Variants in QKI observed in about 807,000 individuals in gnomAD.
QKI encodes the protein QKI, KH domain containing RNA binding.
QKI carries 10 observed loss-of-function variants against 39.0 expected under a neutral mutation model. That is an observed-to-expected ratio of 0.26 (90% CI 0.16 to 0.43). The LOEUF (loss-of-function observed/expected upper bound fraction) is 0.43, where lower values mean the gene tolerates loss of function less well. Among genes scored for constraint, QKI ranks in the 20% least tolerant of loss-of-function variants. The probability of loss-of-function intolerance (pLI) is 1.00; values close to 1 mark genes in which losing one functional copy is unlikely to be tolerated. For synonymous variants in QKI, 204 were observed against 155.4 expected (o/e 1.31, Z -2.33); for missense variants, 218 against 428.0 (o/e 0.51, Z 4.33).
intron 3 of QKI, among the ~76,000 whole-genome samples, chr6:163,514,718 A>ATC (rs915650359): frequency 1.3e-5 from 2 of 152,196 alleles, no homozygotes; most frequent in Non-Finnish European, 2.9e-5. Flanking sequence ...AATAAATGAT[A>ATC]TTAGGATAGT....
intron 1 of QKI, among the ~76,000 whole-genome samples, chr6:163,417,881 C>T (rs1276069830): frequency 6.6e-6 from 1 of 152,182 alleles, no homozygotes; most frequent in Non-Finnish European, 1.5e-5. Context: ...GGAAAAAGGG[C>T]TATTCCTTAG....
At chr6:163,494,049 A>C (rs539410782) in intron 3 of QKI, among the ~76,000 whole-genome samples, 3 of 152,306 alleles carry the variant, frequency 2.0e-5, no homozygotes, top group African/African-American at 4.8e-5. Flanking sequence ...TATACCTTCA[A>C]CCTAAATTTG....
intron 2 of QKI, among the ~76,000 whole-genome samples, chr6:163,467,739 A>G (rs961468122): frequency 2.0e-5 from 3 of 152,208 alleles, no homozygotes; most frequent in Admixed American, 2.0e-4. Context: ...AAGGCATAAG[A>G]TGCTCGTTTT....
At chr6:163,522,075 A>C (rs1196129833) in intron 3 of QKI, among the ~76,000 whole-genome samples, 1 of 152,218 alleles carries the variant, frequency 6.6e-6, no homozygotes, top group Admixed American at 6.5e-5. Flanking sequence ...TGAACTAGTC[A>C]CTGTCTTCAA....
chr6:163,471,844 A>ATT (rs71023228), intron 2 of QKI, among the ~76,000 whole-genome samples: 2 of 151,920 alleles, frequency 1.3e-5, no homozygotes, highest in South Asian at 2.1e-4. Context: ...CATTTAGATG[A>ATT]TTTTTACAGG....
At chr6:163,466,693 CCTTA>C (rs1446688659) in intron 2 of QKI, among the ~76,000 whole-genome samples, 2 of 151,994 alleles carry the variant, frequency 1.3e-5, no homozygotes, top group African/African-American at 4.8e-5. Flanking sequence ...GAAAGTGGAC[CCTTA>C]CTTACACCGT....
intron 7 of QKI, chr6:163,568,551 T>C (rs892318827): frequency 6.1e-6 from 6 of 980,764 alleles, no homozygotes; most frequent in South Asian, 9.4e-5. Flanking sequence ...TATGCACTCA[T>C]TGGGTCTAAG....
intron 7 of QKI, chr6:163,568,023 A>G (rs1783471028): frequency 1.0e-6 from 1 of 985,420 alleles, no homozygotes; most frequent in South Asian, 4.7e-5. Flanking sequence ...TGTATTCATC[A>G]CTAACAGTGA....
chr6:163,468,408 G>A (rs966381689), intron 2 of QKI, among the ~76,000 whole-genome samples: 3 of 152,080 alleles, frequency 2.0e-5, no homozygotes, highest in Non-Finnish European at 4.4e-5. Context: ...GGTGCTTTTC[G>A]AAATCCATTT....
At position 163,578,233 on chromosome 6, in the gene QKI, G is replaced by C. The variant is rs1392817125; in HGVS notation, c.*7523G>C. ...TACTTAACTGGATATTAATATAAAGGTTATTACAAGAAAAATGATGAAGAG... is the reference window on the plus strand; with the variant it reads ...TACTTAACTGGATATTAATATAAAGCTTATTACAAGAAAAATGATGAAGAG... On this transcript the variant is annotated 3_prime_UTR_variant, in exon 8 of 8. Coordinates refer to ENST00000361752, the MANE Select transcript of QKI (RefSeq NM_006775.3). 9.9e-5 allele frequency: 15 copies of C among 152,064 alleles called. No homozygotes were observed. The highest frequency in any genetic ancestry group is 9.8e-4 in the Admixed American group (15 of 15,268). The allele number at this position is 152,064 out of a possible 1,614,324, so 9.4% of individuals were successfully genotyped here.
chr6:163,512,930 A>G (rs941930999), intron 3 of QKI, among the ~76,000 whole-genome samples: 4 of 152,118 alleles, frequency 2.6e-5, no homozygotes, highest in Admixed American at 1.3e-4. Flanking sequence ...TAAATAGAAA[A>G]TGTATTGAAA....
chr6:163,524,314 TTAAC>T (rs1409407749), intron 3 of QKI, among the ~76,000 whole-genome samples: 6 of 149,828 alleles, frequency 4.0e-5, no homozygotes, highest in Non-Finnish European at 8.9e-5. Context: ...ATATATTTTA[TTAAC>T]TAAGTTGGTT....
chr6:163,495,547 T>C (rs950267511), intron 3 of QKI, among the ~76,000 whole-genome samples: 16 of 152,228 alleles, frequency 1.1e-4, no homozygotes, highest in Admixed American at 2.6e-4. Context: ...ATAGTTACTT[T>C]ATCAAATTCT....
Position 163,467,600 on chromosome 6 carries a change from A to G in QKI, c.286-11180A>G, listed in dbSNP as rs189000287. On this transcript the variant is annotated intron_variant, in intron 2 of 7. Transcript: ENST00000361752. ...GTGTGCTATGAACAAAAATGTTTAT[A>G]AAGGCCTAATATGTGAAAGGTTTTG... Among the ~76,000 whole-genome samples the G allele has an allele frequency of 1.2e-4, 18 of 152,322 alleles. 1 individual carries two copies. Among genetic ancestry groups the G allele is most frequent in the Non-Finnish European group, 2.2e-4 (15 of 68,028 alleles).
At chr6:163,553,207 G>A (rs1782374934) in intron 4 of QKI, among the ~76,000 whole-genome samples, 1 of 151,646 alleles carries the variant, frequency 6.6e-6, no homozygotes, top group Non-Finnish European at 1.5e-5. Flanking sequence ...GGGTTCAAGC[G>A]ATTCTCCTGC....
At chr6:163,566,840 T>G in intron 7 of QKI, 45 bp downstream of exon 7, 3 of 1,601,276 alleles carry the variant, frequency 1.9e-6, no homozygotes, top group Non-Finnish European at 2.6e-6. Context: ...ATGCGTTGGG[T>G]GTCCATAAAA....
In QKI at chr6:163,421,737, T is replaced by C. The variant is rs181476166; in HGVS notation, c.142+6402T>C. 7.9e-5 allele frequency among the ~76,000 whole-genome samples: 12 copies of C among 152,144 alleles called. No individual in the cohort carries two copies. In the East Asian group the frequency reaches 2.3e-3, roughly 29 times the overall value. On this transcript the variant is annotated intron_variant, in intron 1 of 7. Transcript: ENST00000361752. ...TTCACTTAGCTGAAACTAAGCTCTT[T>C]TATTTCTTTTTTCTTTTTTTTTTTT...
intron 4 of QKI, among the ~76,000 whole-genome samples, chr6:163,553,135 C>G (rs970591458): frequency 1.4e-5 from 2 of 143,542 alleles, no homozygotes; most frequent in Non-Finnish European, 3.0e-5. Flanking sequence ...TGGAGTTTCA[C>G]TCTTGTTGCC....
At chr6:163,507,354 C>G (rs1490200657) in intron 3 of QKI, among the ~76,000 whole-genome samples, 3 of 152,166 alleles carry the variant, frequency 2.0e-5, no homozygotes, top group Admixed American at 6.5e-5. Flanking sequence ...CAATAAGCAA[C>G]TCTAAAATAT....
Sources: allele counts gnomAD v4.1 joint callset (sites outside exome capture counted in the v4.1 genomes callset), GRCh38; gene constraint gnomAD v4.1.1; transcripts MANE v1.5; gene names NCBI Gene and HGNC (gene_info 2026-07-23, HGNC 2026-07-21).